The following PTPRD variants were observed in gnomAD, a reference collection of about 807,000 sequenced individuals.
PTPRD encodes receptor-type tyrosine-protein phosphatase delta.
PTPRD carries 34 observed loss-of-function variants against 214.5 expected under a neutral mutation model. The observed-to-expected ratio is 0.16, with a 90% CI of 0.12 to 0.21. The LOEUF is 0.21. Among genes scored for constraint, PTPRD ranks in the 10% least tolerant of loss-of-function variants. The probability of loss-of-function intolerance (pLI) is 1.00; values close to 1 mark genes in which losing one functional copy is unlikely to be tolerated. For missense variants in PTPRD, 2,545 were observed against 2,398.7 expected (o/e 1.06, Z -1.27); for synonymous variants, 1,128 against 845.7 (o/e 1.33, Z -5.79).
intron 11 of PTPRD, among the ~76,000 whole-genome samples, chr9:8,911,468 T>C (rs888219815): frequency 6.7e-6 from 1 of 150,032 alleles, no homozygotes; most frequent in African/African-American, 2.5e-5. Flanking sequence ...AAAGAGAGAA[T>C]GAATGACAAC....
intron 5 of PTPRD, among the ~76,000 whole-genome samples, chr9:9,845,321 T>G (rs562154447): frequency 6.7e-6 from 1 of 148,608 alleles, no homozygotes; most frequent in South Asian, 2.2e-4. Flanking sequence ...AAGTCAAAAA[T>G]GCTTATCTGA....
Position 8,414,959 on chromosome 9 carries a change from GA to G in PTPRD, c.4087-10300del, listed in dbSNP as rs1189402548. On this transcript the variant is annotated intron_variant, in intron 35 of 45. Transcript: ENST00000381196. ...AGAGAGAGAGAGAGAGAGAGAGAGA[GA>G]GAGAGAGAGAGAGACAGACAGACAG... 1.6e-4 allele frequency among the ~76,000 whole-genome samples: 24 copies of G among 149,482 alleles called. No homozygotes were observed. In the East Asian group the frequency reaches 2.6e-3, roughly 16 times the overall value.
chr9:10,179,155 T>C (rs542217482), intron 3 of PTPRD, among the ~76,000 whole-genome samples: 21 of 152,100 alleles, frequency 1.4e-4, no homozygotes, highest in Admixed American at 7.2e-4. Flanking sequence ...TTAGACATCA[T>C]TCATATCAAC....
chr9:8,351,771 A>AAAC (rs1378199077), intron 39 of PTPRD, among the ~76,000 whole-genome samples: 5 of 136,856 alleles, frequency 3.7e-5, no homozygotes, highest in African/African-American at 1.3e-4. Flanking sequence ...AAAAAAAAAA[A>AAAC]ATCTAGAGTT....
At chr9:9,061,449 T>C (rs943226860) in intron 10 of PTPRD, among the ~76,000 whole-genome samples, 16 of 152,318 alleles carry the variant, frequency 1.1e-4, no homozygotes, top group African/African-American at 3.6e-4. Flanking sequence ...AACTACACTA[T>C]TGAATATATT....
At chr9:9,999,885 G>T (rs1271802250) in intron 4 of PTPRD, among the ~76,000 whole-genome samples, 2 of 152,134 alleles carry the variant, frequency 1.3e-5, no homozygotes, top group Non-Finnish European at 2.9e-5. Flanking sequence ...TATAAGGAAG[G>T]ATCTTGTTTG....
chr9:9,234,252 T>C (rs1467992044), intron 9 of PTPRD, among the ~76,000 whole-genome samples: 1 of 152,210 alleles, frequency 6.6e-6, no homozygotes, highest in African/African-American at 2.4e-5. Context: ...TCTGAAGCCA[T>C]GTCCCATGCT....
chr9:9,945,690 G>C (rs1465405317), intron 4 of PTPRD, among the ~76,000 whole-genome samples: 1 of 151,934 alleles, frequency 6.6e-6, no homozygotes, highest in Non-Finnish European at 1.5e-5. Context: ...ATTTAAGAGG[G>C]GAGAAATTAG....
At chr9:9,464,989 T>C (rs2094012981) in intron 8 of PTPRD, among the ~76,000 whole-genome samples, 1 of 152,196 alleles carries the variant, frequency 6.6e-6, no homozygotes, top group Non-Finnish European at 1.5e-5. Context: ...TACAGAATAA[T>C]TGAAGTTTCT....
chr9:9,678,381 A>G (rs561413849), intron 7 of PTPRD, among the ~76,000 whole-genome samples: 1 of 152,184 alleles, frequency 6.6e-6, no homozygotes, highest in South Asian at 2.1e-4. Flanking sequence ...ATATAGACCA[A>G]TGGAACAGAA....
At chr9:8,787,146 A>G (rs1292409037) in intron 11 of PTPRD, among the ~76,000 whole-genome samples, 1 of 152,120 alleles carries the variant, frequency 6.6e-6, no homozygotes, top group Non-Finnish European at 1.5e-5. Context: ...TGAGAAAACT[A>G]TATTAAACAG....
chr9:9,375,585 G>C (rs1014638831), intron 9 of PTPRD, among the ~76,000 whole-genome samples: 2 of 152,054 alleles, frequency 1.3e-5, no homozygotes, highest in East Asian at 3.9e-4. Flanking sequence ...AACAGGGCAA[G>C]ACTCCGTCTC....
At chr9:9,998,129 A>ATATATATATATATATATATATATATATAT (rs1555449230) in intron 4 of PTPRD, among the ~76,000 whole-genome samples, 6 of 91,458 alleles carry the variant, frequency 6.6e-5, no homozygotes, top group African/African-American at 2.9e-4. Flanking sequence ...AAAAAAAAAA[A>ATATATATATATATATATATATATATATAT]ATATATATAT....
intron 7 of PTPRD, among the ~76,000 whole-genome samples, chr9:9,620,153 G>C (rs2154352228): frequency 6.6e-6 from 1 of 152,114 alleles, no homozygotes; most frequent in East Asian, 1.9e-4. Context: ...CCTACTTAAT[G>C]TTCTCCAGGT....
Position 10,015,058 on chromosome 9 carries a change from A to G in PTPRD, c.-472+18660T>C, listed in dbSNP as rs1046294282. Among the ~76,000 whole-genome samples the G allele has an allele frequency of 2.0e-5, 3 of 152,128 alleles. No individual in the cohort carries two copies. The East Asian group carries it at 5.8e-4, about 29-fold the overall frequency. ...CCACTTGAAGTAATTTCTGAAGACA[A>G]GTGTCTTACTCACAGGTATGGAACT... On this transcript the variant is annotated intron_variant, in intron 4 of 45. Transcript: ENST00000381196.
intron 33 of PTPRD, chr9:8,454,680 A>G: frequency 6.9e-7 from 1 of 1,438,850 alleles, no homozygotes; most frequent in Non-Finnish European, 9.6e-7. Context: ...GACAACCAAG[A>G]TTTAAGAAAT....
chr9:10,449,648 G>A (rs367942444), intron 2 of PTPRD, among the ~76,000 whole-genome samples: 4,544 of 144,382 alleles, frequency 0.031, 105 homozygotes, highest in African/African-American at 0.07. Context: ...CTGCCCCGCC[G>A]CCCCGTCTGG....
intron 8 of PTPRD, among the ~76,000 whole-genome samples, chr9:9,560,206 C>G (rs780672956): frequency 9.2e-5 from 14 of 152,164 alleles, no homozygotes; most frequent in Non-Finnish European, 1.9e-4. Flanking sequence ...ACTCCCACAA[C>G]TCAGCCAGGA....
chr9:9,801,725 T>C (rs2099041495), intron 5 of PTPRD, among the ~76,000 whole-genome samples: 2 of 152,076 alleles, frequency 1.3e-5, no homozygotes, highest in African/African-American at 4.8e-5. Context: ...ACATTTCAGC[T>C]AACTATTAAA....
Sources: allele counts gnomAD v4.1 joint callset (sites outside exome capture counted in the v4.1 genomes callset), GRCh38; gene constraint gnomAD v4.1.1; transcripts MANE v1.5; gene names NCBI Gene and HGNC (gene_info 2026-07-23, HGNC 2026-07-21).